The following ADAMTS18 variants were observed in gnomAD, a reference collection of about 807,000 sequenced individuals.
ADAMTS18 encodes the protein ADAM metallopeptidase with thrombospondin type 1 motif 18, also known as A disintegrin and metalloproteinase with thrombospondin motifs 18.
ADAMTS18 carries 157 observed loss-of-function variants against 165.9 expected under a neutral mutation model. The observed-to-expected ratio is 0.95, with a 90% CI of 0.83 to 1.08. The LOEUF (loss-of-function observed/expected upper bound fraction) is 1.08, where lower values mean the gene tolerates loss of function less well. Ranked by LOEUF, ADAMTS18 falls within the 50% of genes least tolerant of loss-of-function variation. The probability of loss-of-function intolerance (pLI) is 0.00; values close to 1 mark genes in which losing one functional copy is unlikely to be tolerated. For missense variants in ADAMTS18, 2,040 were observed against 1,534.0 expected (o/e 1.33, Z -5.51); for synonymous variants, 782 against 578.2 (o/e 1.35, Z -5.06).
At chr16:77,353,672 G>A (rs779181989) in intron 10 of ADAMTS18, 61 bp downstream of exon 10, 42 of 1,611,530 alleles carry the variant, frequency 2.6e-5, no homozygotes, top group Non-Finnish European at 3.6e-5. Context: ...TTACACTTCT[G>A]TTAGGGACAC....
At chr16:77,354,137 T>C (rs1430355071) in intron 9 of ADAMTS18, among the ~76,000 whole-genome samples, 1 of 152,156 alleles carries the variant, frequency 6.6e-6, no homozygotes, top group African/African-American at 2.4e-5. Flanking sequence ...GGCTTGGGAT[T>C]TGACAGGAGA....
chr16:77,390,050 G>A (rs921880712), intron 3 of ADAMTS18, among the ~76,000 whole-genome samples: 1 of 152,120 alleles, frequency 6.6e-6, no homozygotes, highest in Non-Finnish European at 1.5e-5. Context: ...AGGACTTTGA[G>A]CTTTACCCTA....
intron 3 of ADAMTS18, among the ~76,000 whole-genome samples, chr16:77,372,493 C>T (rs1482355479): frequency 2.0e-5 from 3 of 152,206 alleles, no homozygotes; most frequent in Admixed American, 6.5e-5. Context: ...GCTGTGGCAT[C>T]GACATGATGT....
At chr16:77,376,632 T>C (rs1173344275) in intron 3 of ADAMTS18, among the ~76,000 whole-genome samples, 3 of 152,198 alleles carry the variant, frequency 2.0e-5, no homozygotes, top group Non-Finnish European at 4.4e-5. Context: ...TTCCAGAAGA[T>C]ACAGAAATTC....
At chr16:77,419,744 T>C (rs751523886) in intron 3 of ADAMTS18, among the ~76,000 whole-genome samples, 1 of 152,046 alleles carries the variant, frequency 6.6e-6, no homozygotes, top group Non-Finnish European at 1.5e-5. Flanking sequence ...CGGTGACTCA[T>C]GCCTGTAATC....
intron 16 of ADAMTS18, among the ~76,000 whole-genome samples, chr16:77,303,821 T>C (rs112807020): frequency 0.11 from 16,573 of 152,142 alleles, 1,044 homozygotes; most frequent in East Asian, 0.26. Context: ...ATCACGAGGT[T>C]AGGAGATCGA....
At chr16:77,318,034 G>C (rs2055919206) in intron 16 of ADAMTS18, among the ~76,000 whole-genome samples, 1 of 152,092 alleles carries the variant, frequency 6.6e-6, no homozygotes, top group South Asian at 2.1e-4. Context: ...CACAGTAAGT[G>C]CCAATAGTCT....
At chr16:77,320,487 A>T (rs545425038) in intron 15 of ADAMTS18, among the ~76,000 whole-genome samples, 225 of 152,216 alleles carry the variant, frequency 1.5e-3, no homozygotes, top group Middle Eastern at 3.4e-3. Flanking sequence ...AAAAATACAA[A>T]AATTAGCTGG....
At chr16:77,405,117 G>C (rs1041455831) in intron 3 of ADAMTS18, among the ~76,000 whole-genome samples, 26 of 152,314 alleles carry the variant, frequency 1.7e-4, no homozygotes, top group African/African-American at 5.8e-4. Context: ...GGGAGCATTT[G>C]TCTTGAAGCA....
At chr16:77,338,884 A>G (rs1235449297) in intron 11 of ADAMTS18, among the ~76,000 whole-genome samples, 1 of 150,182 alleles carries the variant, frequency 6.7e-6, no homozygotes, top group African/African-American at 2.4e-5. Context: ...AACCCGGGAG[A>G]TGGAGCCTGC....
At chr16:77,296,834 A>G (rs1395319505) in intron 18 of ADAMTS18, among the ~76,000 whole-genome samples, 2 of 151,880 alleles carry the variant, frequency 1.3e-5, no homozygotes, top group Admixed American at 6.6e-5. Flanking sequence ...CTCCCCTCCA[A>G]AAAAAAAGAG....
intron 16 of ADAMTS18, among the ~76,000 whole-genome samples, chr16:77,319,247 A>G (rs1299867518): frequency 6.6e-6 from 1 of 152,172 alleles, no homozygotes; most frequent in East Asian, 1.9e-4. Flanking sequence ...TAGACAAACC[A>G]GCATAATATA....
At chr16:77,362,007 T>G in intron 7 of ADAMTS18, 98 bp downstream of exon 7, 8 of 1,343,958 alleles carry the variant, frequency 6.0e-6, no homozygotes, top group Non-Finnish European at 8.4e-6. Context: ...ATTATGTCTG[T>G]TTATTAAGGA....
At chr16:77,419,071 T>A (rs1367498548) in intron 3 of ADAMTS18, among the ~76,000 whole-genome samples, 1 of 152,018 alleles carries the variant, frequency 6.6e-6, no homozygotes, top group Non-Finnish European at 1.5e-5. Flanking sequence ...AATGCTTGAA[T>A]CCAGGAGGCG....
At chr16:77,358,829 T>C (rs2056669295) in intron 8 of ADAMTS18, among the ~76,000 whole-genome samples, 2 of 152,244 alleles carry the variant, frequency 1.3e-5, no homozygotes, top group South Asian at 4.1e-4. Context: ...TTGAAAATTC[T>C]CTATAGCGTT....
At chr16:77,349,180 A>T (rs1007453560) in intron 10 of ADAMTS18, among the ~76,000 whole-genome samples, 5 of 152,164 alleles carry the variant, frequency 3.3e-5, no homozygotes, top group Admixed American at 1.3e-4. Flanking sequence ...AAGGAAGTTA[A>T]ATGTTGGAAC....
intron 11 of ADAMTS18, among the ~76,000 whole-genome samples, chr16:77,337,376 T>C (rs1283201011): frequency 6.6e-6 from 1 of 152,220 alleles, no homozygotes; most frequent in Admixed American, 6.5e-5. Context: ...GTGCCAAAAA[T>C]GATGCAGAGA....
chr16:77,319,807 T>C (rs772348100), intron 16 of ADAMTS18, 42 bp downstream of exon 16: 1 of 1,613,464 alleles, frequency 6.2e-7, no homozygotes, highest in Non-Finnish European at 8.5e-7. Flanking sequence ...GATATAAATG[T>C]AGCAAGAAGC....
intron 3 of ADAMTS18, among the ~76,000 whole-genome samples, chr16:77,381,672 C>G (rs183043086): frequency 1.3e-5 from 2 of 152,094 alleles, no homozygotes; most frequent in Admixed American, 6.5e-5. Context: ...TGTAGTGACG[C>G]ACGCCTGTAA....
Sources: allele counts gnomAD v4.1 joint callset (sites outside exome capture counted in the v4.1 genomes callset), GRCh38; gene constraint gnomAD v4.1.1; transcripts MANE v1.5; gene names NCBI Gene and HGNC (gene_info 2026-07-23, HGNC 2026-07-21).